The following ARNT variants were observed in gnomAD, a reference collection of about 807,000 sequenced individuals.
ARNT encodes aryl hydrocarbon receptor nuclear translocator.
In ARNT, 30 loss-of-function variants were observed where a neutral mutation model predicts 105.0. That is an observed-to-expected ratio of 0.29 (90% CI 0.21 to 0.39). The LOEUF (loss-of-function observed/expected upper bound fraction) is 0.39. Among genes scored for constraint, ARNT ranks in the 10% least tolerant of loss-of-function variants. The pLI, the probability that ARNT is intolerant of heterozygous loss-of-function variation, is 1.00. For synonymous variants in ARNT, 304 were observed against 344.0 expected (o/e 0.88, Z 1.29); for missense variants, 748 against 978.7 (o/e 0.76, Z 3.15).
intron 4 of ARNT, 85 bp downstream of exon 4, chr1:150,846,178 A>G: frequency 8.4e-7 from 1 of 1,191,450 alleles, no homozygotes; most frequent in East Asian, 2.5e-5. Flanking sequence ...CATCCAGAAA[A>G]AATTAAGTCA....
At chr1:150,852,350 T>C (rs954407785) in intron 3 of ARNT, among the ~76,000 whole-genome samples, 2 of 152,120 alleles carry the variant, frequency 1.3e-5, no homozygotes, top group African/African-American at 2.4e-5. Context: ...TCTGGCCTCC[T>C]TGAGGATAAA....
intron 5 of ARNT, chr1:150,842,146 T>C (rs1244459664): frequency 4.5e-6 from 2 of 445,516 alleles, no homozygotes; most frequent in Non-Finnish European, 5.9e-6. Context: ...AGCTTTTTGT[T>C]CTGTGAAACT....
chr1:150,876,406 C>T, intron 1 of ARNT, 137 bp downstream of exon 1: 1 of 1,448,190 alleles, frequency 6.9e-7, no homozygotes, highest in Non-Finnish European at 9.2e-7. Context: ...GTCACCGCTC[C>T]CCCACCGTCT....
rs1174910623 is a variant in ARNT, at chr1:150,810,694, G to A, written c.*1327C>T. Reference sequence around the variant, plus strand: ...TACCTGAGGAAGGTAAAGGGTGAGGGTAGTAACCTGTATCCGCATTTATAT... The same window carrying A: ...TACCTGAGGAAGGTAAAGGGTGAGGATAGTAACCTGTATCCGCATTTATAT... On this transcript the variant is annotated 3_prime_UTR_variant, in exon 22 of 22. Transcript: ENST00000358595. 1 of 219,598 alleles carries A rather than the reference G, an allele frequency of 4.6e-6. No individual in the cohort carries two copies. Among genetic ancestry groups the A allele is most frequent in the Non-Finnish European group, 9.2e-6 (1 of 109,202 alleles). The allele number at this position is 219,598 out of a possible 1,614,324, so 13.6% of individuals were successfully genotyped here.
chr1:150,874,927 T>C (rs1479201879), intron 1 of ARNT, among the ~76,000 whole-genome samples: 2 of 152,158 alleles, frequency 1.3e-5, no homozygotes, highest in African/African-American at 2.4e-5. Flanking sequence ...GAGGCTGTCA[T>C]TCTGGTTGCT....
chr1:150,873,144 C>A (rs1667729259), intron 1 of ARNT, among the ~76,000 whole-genome samples: 1 of 151,654 alleles, frequency 6.6e-6, no homozygotes. Flanking sequence ...AAAAAATTAG[C>A]CGGGCGTGGT....
chr1:150,834,494 T>C lies in ARNT; in HGVS notation c.803+44A>G, dbSNP rs10305701. The C allele has an allele frequency of 1.9e-6, 3 of 1,583,886 alleles. No individual in the cohort carries two copies. In the Admixed American group the frequency reaches 5.0e-5, roughly 26 times the overall value. ...TGACAGAAATAAAACTCTCAGCTCTTGATCCTTCCTATACCAAATCACAAT... is the reference window on the plus strand; with the variant it reads ...TGACAGAAATAAAACTCTCAGCTCTCGATCCTTCCTATACCAAATCACAAT... On this transcript the variant is annotated intron_variant, in intron 8 of 21. Coordinates refer to ENST00000358595, the MANE Select transcript of ARNT (RefSeq NM_001668.4).
At position 150,839,603 on chromosome 1, in the gene ARNT, G is replaced by A. The variant is rs2101951830; in HGVS notation, c.324C>T (p.Tyr108=). ...ERRRRNKMTA[Y]ITELSDMVPT... is the part of the protein sequence containing the mutation. ...GTACCATATCTGACAGTTCTGTGAT[G>A]TAGGCTGTCATCTTGTTCCGTCGCC... Residue 108 remains tyrosine, a synonymous_variant, in exon 6 of 22, where the codon TAC becomes TAT. Transcript: ENST00000358595. 1 of 1,614,184 alleles carries A rather than the reference G, an allele frequency of 6.2e-7. No homozygotes were observed. The highest frequency in any genetic ancestry group is 1.7e-5 in the Admixed American group (1 of 60,016).
intron 2 of ARNT, among the ~76,000 whole-genome samples, chr1:150,854,889 A>G (rs2102236859): frequency 6.6e-6 from 1 of 151,236 alleles, no homozygotes; most frequent in South Asian, 2.1e-4. Flanking sequence ...GGAAGGGGAA[A>G]GAGAGGGAAG....
intron 8 of ARNT, among the ~76,000 whole-genome samples, chr1:150,833,930 T>C (rs1659800017): frequency 6.6e-6 from 1 of 151,832 alleles, no homozygotes; most frequent in African/African-American, 2.4e-5. Flanking sequence ...CATTTCTTTT[T>C]CTTTTTCTTT....
chr1:150,857,750 T>A (rs1483482860), intron 2 of ARNT, among the ~76,000 whole-genome samples: 1 of 152,206 alleles, frequency 6.6e-6, no homozygotes, highest in Non-Finnish European at 1.5e-5. Flanking sequence ...AATTTGTTCC[T>A]AACAAAACTA....
At chr1:150,849,374 C>A (rs1390890798) in intron 3 of ARNT, among the ~76,000 whole-genome samples, 3 of 152,166 alleles carry the variant, frequency 2.0e-5, no homozygotes, top group Non-Finnish European at 4.4e-5. Flanking sequence ...AGATTGCGGT[C>A]AAAGTTCTCT....
rs587606689 is a variant in ARNT at position 150,842,964 on chromosome 1, A to G, written c.228-496T>C. Among the ~76,000 whole-genome samples the G allele has an allele frequency of 5.9e-5, 9 of 152,294 alleles. No individual in the cohort carries two copies. In the South Asian group the frequency reaches 1.0e-3, roughly 18 times the overall value. ...TTAAAGACAGAGTACATTAAAGATG[A>G]TACTATCAAACAAGTGATGACAAAT... is the stretch of plus-strand genomic sequence containing the variant. On this transcript the variant is annotated intron_variant, in intron 4 of 21. Transcript: ENST00000358595.
rs58630631 is a variant in ARNT at position 150,811,458 on chromosome 1, G to GCACA, written c.*559_*562dup. On this transcript the variant is annotated 3_prime_UTR_variant, in exon 22 of 22. Coordinates refer to ENST00000358595, the MANE Select transcript of ARNT (RefSeq NM_001668.4). ...GAGTGAAATACAGAAGCATGTGTGC[G>GCACA]CACACACACACACACACACATACAC... 0.44 allele frequency: 96,539 copies of GCACA among 219,152 alleles called. 16,363 individuals are homozygous for GCACA. The highest frequency in any genetic ancestry group is 0.55 in the South Asian group (2,976 of 5,372). 13.6% of individuals were successfully genotyped at this position (219,152 alleles called of 1,614,324 possible). A position where few individuals can be genotyped will look rare whatever the true frequency, so the allele number is the denominator to read the frequency against.
intron 2 of ARNT, among the ~76,000 whole-genome samples, chr1:150,855,460 G>A (rs587672761): frequency 4.8e-4 from 73 of 151,508 alleles, no homozygotes; most frequent in African/African-American, 1.7e-3. Flanking sequence ...TACTCGGGAG[G>A]CTGAGGCAGG....
In ARNT at chr1:150,811,557, T is replaced by C. The variant is rs1174516458; in HGVS notation, c.*464A>G. Reference sequence around the variant, plus strand: ...CACAGGCAGCAAAAAGAGCCTATGCTCAAACTTGCTAAAGCCCCATATATA... The same window carrying C: ...CACAGGCAGCAAAAAGAGCCTATGCCCAAACTTGCTAAAGCCCCATATATA... On this transcript the variant is annotated 3_prime_UTR_variant, in exon 22 of 22. Transcript: ENST00000358595. 8.6e-6 allele frequency: 2 copies of C among 233,478 alleles called. No individual in the cohort carries two copies. Among genetic ancestry groups the C allele is most frequent in the Non-Finnish European group, 1.7e-5 (2 of 118,134 alleles). 14.5% of individuals were successfully genotyped at this position (233,478 alleles called of 1,614,324 possible). A position where few individuals can be genotyped will look rare whatever the true frequency, so the allele number is the denominator to read the frequency against.
intron 14 of ARNT, among the ~76,000 whole-genome samples, chr1:150,819,874 T>C (rs1475281850): frequency 6.6e-6 from 1 of 152,178 alleles, no homozygotes; most frequent in Non-Finnish European, 1.5e-5. Flanking sequence ...CTATGTGATA[T>C]ACTAAAAAAC....
At chr1:150,840,043 C>G (rs969630184) in intron 5 of ARNT, among the ~76,000 whole-genome samples, 1 of 152,042 alleles carries the variant, frequency 6.6e-6, no homozygotes, top group Admixed American at 6.6e-5. Context: ...GAGTTTGAGA[C>G]CGGCCTGGCC....
chr1:150,811,907 AG>A lies in ARNT; in HGVS notation c.*113del. 1 of 680,272 alleles carries A rather than the reference AG, an allele frequency of 1.5e-6. No individual in the cohort carries two copies. Among genetic ancestry groups the A allele is most frequent in the South Asian group, 3.5e-5 (1 of 28,340 alleles). The allele number at this position is 680,272 out of a possible 1,614,324, so 42.1% of individuals were successfully genotyped here. On this transcript the variant is annotated 3_prime_UTR_variant, in exon 22 of 22. Transcript: ENST00000358595. ...CCAGAAGGGAAAGGGGGTACATGTC[AG>A]GGGTGAGGGAAGGGAAGGGAGAGGA...
Sources: allele counts gnomAD v4.1 joint callset (sites outside exome capture counted in the v4.1 genomes callset), GRCh38; gene constraint gnomAD v4.1.1; transcripts MANE v1.5; gene names NCBI Gene and HGNC (gene_info 2026-07-23, HGNC 2026-07-21).